The following ELMO1 variants were observed in gnomAD, a reference collection of about 807,000 sequenced individuals.
The protein encoded by ELMO1 is engulfment and cell motility protein 1.
In ELMO1, 26 loss-of-function variants were observed where a neutral mutation model predicts 98.9. The ratio of observed to expected loss-of-function variants is 0.26; its 90% confidence interval spans 0.19 to 0.36. The LOEUF is 0.36. ELMO1 is among the 10% of genes least tolerant of loss of function. ELMO1 has a pLI of 1.00. For synonymous variants in ELMO1, 346 were observed against 346.0 expected, an observed-to-expected ratio of 1.00 and a Z score of 0.00; for missense variants, 627 against 935.2, an observed-to-expected ratio of 0.67 and a Z score of 4.30.
intron 5 of ELMO1, among the ~76,000 whole-genome samples, chr7:37,265,223 G>A (rs1368761239): frequency 1.3e-5 from 2 of 152,056 alleles, no homozygotes; most frequent in African/African-American, 4.8e-5. Context: ...GTGTGGCGGG[G>A]ACCCTGTTTC....
chr7:36,970,607 C>T (rs932814418), intron 16 of ELMO1, among the ~76,000 whole-genome samples: 3 of 152,210 alleles, frequency 2.0e-5, no homozygotes, highest in Non-Finnish European at 4.4e-5. Context: ...TGGCACATTA[C>T]TAGGCATGTA....
intron 13 of ELMO1, among the ~76,000 whole-genome samples, chr7:37,184,914 T>C (rs1005476821): frequency 6.6e-6 from 1 of 151,882 alleles, no homozygotes; most frequent in Non-Finnish European, 1.5e-5. Flanking sequence ...AAAAAAAAAG[T>C]CCATCACGAA....
chr7:37,297,726 T>C (rs915670047), intron 4 of ELMO1, among the ~76,000 whole-genome samples: 34 of 152,086 alleles, frequency 2.2e-4, no homozygotes, highest in Admixed American at 2.2e-3. Flanking sequence ...GACAAATAAA[T>C]AGGAAATATG....
chr7:37,086,422 G>A (rs923010455), intron 15 of ELMO1, among the ~76,000 whole-genome samples: 1 of 151,018 alleles, frequency 6.6e-6, no homozygotes, highest in African/African-American at 2.4e-5. Context: ...GCAAAATGTT[G>A]GCATAACTAT....
intron 8 of ELMO1, among the ~76,000 whole-genome samples, chr7:37,228,264 T>G (rs1481012925): frequency 6.6e-6 from 1 of 152,232 alleles, no homozygotes; most frequent in Admixed American, 6.5e-5. Flanking sequence ...ATAAATTAGT[T>G]AATGGACACA....
At chr7:37,084,895 T>C (rs1783679566) in intron 15 of ELMO1, among the ~76,000 whole-genome samples, 1 of 152,088 alleles carries the variant, frequency 6.6e-6, no homozygotes, top group Non-Finnish European at 1.5e-5. Context: ...TAGTTGGGAT[T>C]ACAGGCTCCC....
At chr7:36,919,564 A>G (rs1784976301) in intron 16 of ELMO1, 1 of 347,632 alleles carries the variant, frequency 2.9e-6, no homozygotes, top group East Asian at 7.6e-5. Context: ...GGTTGCTATG[A>G]TAATTAGATA....
At chr7:36,974,644 G>C (rs1177692287) in intron 16 of ELMO1, among the ~76,000 whole-genome samples, 1 of 152,312 alleles carries the variant, frequency 6.6e-6, no homozygotes, top group South Asian at 2.1e-4. Context: ...CAGGACATGG[G>C]TGGGGCCAGA....
chr7:37,109,167 G>A (rs1785101198), intron 14 of ELMO1, among the ~76,000 whole-genome samples: 1 of 152,098 alleles, frequency 6.6e-6, no homozygotes, highest in Admixed American at 6.5e-5. Flanking sequence ...GCATGTGCCT[G>A]GTGTGCCCCC....
At position 36,853,799 on chromosome 7, in the gene ELMO1, C is replaced by A. The variant is rs75794208; in HGVS notation, c.*1752G>T. Among the ~76,000 whole-genome samples, 3,122 of 152,322 alleles carry A rather than the reference C, an allele frequency of 0.02. 37 individuals are homozygous for A. The highest frequency in any genetic ancestry group is 0.03 in the Non-Finnish European group (2,033 of 68,020). On this transcript the variant is annotated 3_prime_UTR_variant, in exon 22 of 22. Coordinates refer to ENST00000310758, the MANE Select transcript of ELMO1 (RefSeq NM_014800.11). ...ACGCTTAATACTGCATGCTTGGACC[C>A]TTCTGACATCCCTCCCAGTGCTGGG...
chr7:36,995,198 A>G (rs895401036), intron 16 of ELMO1, among the ~76,000 whole-genome samples: 1 of 152,196 alleles, frequency 6.6e-6, no homozygotes, highest in African/African-American at 2.4e-5. Context: ...ACCCAACATC[A>G]TAGAAGCCAT....
chr7:36,982,155 TTGA>T (rs1791118067), intron 16 of ELMO1, among the ~76,000 whole-genome samples: 1 of 152,236 alleles, frequency 6.6e-6, no homozygotes, highest in African/African-American at 2.4e-5. Flanking sequence ...TTGGAAAACT[TTGA>T]TGTATGTTTG....
At chr7:37,070,840 C>T (rs2129224344) in intron 15 of ELMO1, among the ~76,000 whole-genome samples, 1 of 152,274 alleles carries the variant, frequency 6.6e-6, no homozygotes, top group South Asian at 2.1e-4. Context: ...CTGGGACATT[C>T]CTTTATATAC....
chr7:36,883,107 C>T (rs369094642), intron 18 of ELMO1, among the ~76,000 whole-genome samples: 2 of 152,184 alleles, frequency 1.3e-5, no homozygotes, highest in African/African-American at 2.4e-5. Flanking sequence ...TCCAGAGCAA[C>T]GTAAGATATA....
chr7:36,874,626 C>A (rs946693089), intron 19 of ELMO1, among the ~76,000 whole-genome samples: 40 of 152,198 alleles, frequency 2.6e-4, no homozygotes, highest in African/African-American at 9.2e-4. Flanking sequence ...TTCGCATCCA[C>A]TGGAGCAGGC....
At chr7:37,013,507 T>C in intron 15 of ELMO1, 72 bp from the exon 16 acceptor site, 1 of 1,559,300 alleles carries the variant, frequency 6.4e-7, no homozygotes, top group Non-Finnish European at 8.7e-7. Flanking sequence ...ACCACAGGTA[T>C]GTGCCCCAAA....
At chr7:37,436,441 T>C (rs1805147264) in intron 1 of ELMO1, among the ~76,000 whole-genome samples, 1 of 152,236 alleles carries the variant, frequency 6.6e-6, no homozygotes, top group Non-Finnish European at 1.5e-5. Context: ...ATGACTATAG[T>C]AATGGAAGTC....
chr7:37,339,925 A>C (rs1800627225), intron 2 of ELMO1, among the ~76,000 whole-genome samples: 1 of 152,148 alleles, frequency 6.6e-6, no homozygotes, highest in African/African-American at 2.4e-5. Flanking sequence ...CAAAACTCGA[A>C]TCTGATCAGC....
chr7:37,413,065 C>A (rs999441061), intron 1 of ELMO1, among the ~76,000 whole-genome samples: 4 of 152,152 alleles, frequency 2.6e-5, no homozygotes, highest in Admixed American at 6.5e-5. Flanking sequence ...GGTCAAGCCA[C>A]TAAGTTTTGT....
Sources: gnomAD v4.1 joint callset for allele counts (sites outside exome capture counted in the v4.1 genomes callset) on GRCh38, gnomAD v4.1.1 for gene constraint, MANE v1.5 for transcripts, NCBI Gene and HGNC (gene_info 2026-07-23, HGNC 2026-07-21) for gene names.